The following FAS variants were observed in gnomAD, a reference collection of about 807,000 sequenced individuals.
FAS encodes the protein tumor necrosis factor receptor superfamily member 6.
Under a neutral mutation model 33.2 loss-of-function variants are expected in FAS, and 5 were observed. That is an observed-to-expected ratio of 0.15 (90% confidence interval 0.08 to 0.32). The LOEUF (loss-of-function observed/expected upper bound fraction) is 0.32, where lower values mean the gene tolerates loss of function less well. Ranked by LOEUF, FAS falls within the 10% of genes least tolerant of loss-of-function variation. The pLI, the probability that FAS is intolerant of heterozygous loss-of-function variation, is 1.00. For synonymous variants in FAS, 131 were observed against 130.7 expected (o/e 1.00, Z -0.01); for missense variants, 339 against 386.0 (o/e 0.88, Z 1.02).
intron 1 of FAS, among the ~76,000 whole-genome samples, chr10:88,993,324 C>T (rs1177422131): frequency 1.3e-5 from 2 of 148,758 alleles, no homozygotes; most frequent in African/African-American, 5.0e-5. Context: ...TTTTATTGTG[C>T]ATGACCCTGT....
chr10:88,991,224 G>A (rs1055231965), intron 1 of FAS: 2 of 539,648 alleles, frequency 3.7e-6, no homozygotes, highest in Non-Finnish European at 6.7e-6. Context: ...TGGGCGTGGG[G>A]TGCGGACAGG....
chr10:88,981,312 A>G (rs1210246922), intron 2 of FAS, among the ~76,000 whole-genome samples: 2 of 152,220 alleles, frequency 1.3e-5, no homozygotes, highest in African/African-American at 4.8e-5. Context: ...TGCATAAAGC[A>G]CTTTTCCTGT....
intron 1 of FAS, among the ~76,000 whole-genome samples, chr10:88,995,612 G>A (rs1847538101): frequency 6.6e-6 from 1 of 152,192 alleles, no homozygotes; most frequent in East Asian, 1.9e-4. Flanking sequence ...TGGATCACTT[G>A]AGATTAGGAG....
At chr10:89,012,989 TTAAGAA>T (rs1224516996) in intron 7 of FAS, among the ~76,000 whole-genome samples, 3 of 152,318 alleles carry the variant, frequency 2.0e-5, no homozygotes, top group Admixed American at 6.5e-5. Flanking sequence ...TTTTCTGGTA[TTAAGAA>T]TAAGAATAGT....
At chr10:88,973,550 TTG>T in intron 2 of FAS, 1 of 367,216 alleles carries the variant, frequency 2.7e-6, no homozygotes, top group Non-Finnish European at 4.8e-6. Context: ...GGATGCAATG[TTG>T]TGTTTGTCAC....
Position 89,007,880 on chromosome 10 carries a change from T to C in FAS, c.334+43T>C, listed in dbSNP as rs905498596. On this transcript the variant is annotated intron_variant, in intron 3 of 8. Coordinates refer to ENST00000652046, the MANE Select transcript of FAS (RefSeq NM_000043.6). ...CAATTGAAAGAGGCCAATCTTGGAATTTCATGTAGAACCATTTATAAGACA... is the reference window on the plus strand; with the variant it reads ...CAATTGAAAGAGGCCAATCTTGGAACTTCATGTAGAACCATTTATAAGACA... The C allele has an allele frequency of 2.5e-6, 4 of 1,612,424 alleles. No individual in the cohort carries two copies. In the Admixed American group the frequency reaches 6.7e-5, roughly 27 times the overall value.
chr10:88,965,991 G>A (rs764680048), intron 1 of FAS, among the ~76,000 whole-genome samples: 1 of 152,148 alleles, frequency 6.6e-6, no homozygotes, highest in Non-Finnish European at 1.5e-5. Context: ...CGGAACCATG[G>A]TCAACAGAAT....
At chr10:89,000,260 A>G (rs1252027277) in intron 1 of FAS, among the ~76,000 whole-genome samples, 1 of 152,226 alleles carries the variant, frequency 6.6e-6, no homozygotes, top group African/African-American at 2.4e-5. Flanking sequence ...AAAGAATTCA[A>G]TGTTGATAAT....
chr10:88,968,418 T>A lies in FAS; in HGVS notation n.95-4764T>A, dbSNP rs1195535192. Among the ~76,000 whole-genome samples the A allele has an allele frequency of 4.6e-5, 7 of 152,124 alleles. No homozygotes were observed. The East Asian group carries it at 1.4e-3, about 29-fold the overall frequency. On this transcript the variant is annotated intron_variant and non_coding_transcript_variant, in intron 1 of 3. Transcript: ENST00000688239. Reference sequence around the variant, plus strand: ...ACTCATAATGGAGCAATTAAAACCATGTTTGTTTTCCTGAATCCATGACAA... The same window carrying A: ...ACTCATAATGGAGCAATTAAAACCAAGTTTGTTTTCCTGAATCCATGACAA...
intron 2 of FAS, among the ~76,000 whole-genome samples, chr10:88,979,738 A>G (rs1187870295): frequency 6.6e-6 from 1 of 152,180 alleles, no homozygotes; most frequent in East Asian, 1.9e-4. Context: ...AAAAGGTTAC[A>G]TGTGCTTGAC....
upstream of FAS, among the ~76,000 whole-genome samples, chr10:88,982,591 A>C (rs1419313192): frequency 6.6e-6 from 1 of 152,224 alleles, no homozygotes; most frequent in Non-Finnish European, 1.5e-5. Flanking sequence ...TGAGGGAGTC[A>C]GCAGGCTTCT....
At chr10:89,008,265 C>A (rs1318667852) in intron 3 of FAS, among the ~76,000 whole-genome samples, 1 of 152,158 alleles carries the variant, frequency 6.6e-6, no homozygotes, top group Admixed American at 6.5e-5. Flanking sequence ...CCTGATAATT[C>A]CATCTGGGGA....
At chr10:89,000,319 T>C (rs969696014) in intron 1 of FAS, among the ~76,000 whole-genome samples, 4 of 152,222 alleles carry the variant, frequency 2.6e-5, no homozygotes, top group Non-Finnish European at 5.9e-5. Context: ...GTTGCTGTTA[T>C]AGATTTACTA....
chr10:88,980,552 GTTC>G (rs10562972), intron 2 of FAS, among the ~76,000 whole-genome samples: 16,148 of 152,106 alleles, frequency 0.11, 2,839 homozygotes, highest in African/African-American at 0.36. Context: ...GGCAAGGAAT[GTTC>G]TTATCCTGCC....
chr10:88,993,478 C>T (rs1290315895), intron 1 of FAS, among the ~76,000 whole-genome samples: 3 of 152,014 alleles, frequency 2.0e-5, no homozygotes, highest in Non-Finnish European at 4.4e-5. Flanking sequence ...TTTATTGGGC[C>T]CCAACAGGTT....
Position 89,013,354 on chromosome 10 carries a change from A to G in FAS, c.663A>G (p.Ala221=). The G allele has an allele frequency of 6.2e-7, 1 of 1,611,950 alleles. No individual in the cohort carries two copies. Among genetic ancestry groups the G allele is most frequent in the South Asian group, 1.1e-5 (1 of 90,888 alleles). The change falls in exon 8 of 9, where the codon GCA becomes GCG. Residue 221 remains alanine, a synonymous_variant. Transcript: ENST00000652046. ...TTTTTGCTTTCTAGGAAACAGTGGC[A>G]ATAAATTTATCTGGTAAGGCTTTTA... is the stretch of plus-strand genomic sequence containing the variant. ...ESPTLNPETV[A]INLSDVDLSK... is the part of the protein sequence containing the mutation.
chr10:89,012,606 A>G (rs78836164), intron 7 of FAS: 2,443 of 159,932 alleles, frequency 0.015, 63 homozygotes, highest in African/African-American at 0.055. Context: ...AGAATCAACA[A>G]AGGAGGGAAT....
chr10:88,997,174 G>A (rs972100975), intron 1 of FAS, among the ~76,000 whole-genome samples: 2 of 152,186 alleles, frequency 1.3e-5, no homozygotes, highest in African/African-American at 4.8e-5. Context: ...CTGCAACTGT[G>A]ATGAACCTCA....
At chr10:89,003,863 G>A (rs572767629) in intron 2 of FAS, among the ~76,000 whole-genome samples, 3 of 152,306 alleles carry the variant, frequency 2.0e-5, no homozygotes, top group South Asian at 4.1e-4. Flanking sequence ...ATGGGTTCAT[G>A]TGATAGATTA....
Sources: allele counts gnomAD v4.1 joint callset (sites outside exome capture counted in the v4.1 genomes callset), GRCh38; gene constraint gnomAD v4.1.1; transcripts MANE v1.5; gene names NCBI Gene and HGNC (gene_info 2026-07-23, HGNC 2026-07-21).